ADGRB3: variants seen among roughly 807,000 people sequenced by gnomAD.
The protein encoded by ADGRB3 is brain-specific angiogenesis inhibitor 3.
Under a neutral mutation model 193.4 loss-of-function variants are expected in ADGRB3, and 37 were observed. The ratio of observed to expected loss-of-function variants is 0.19; its 90% CI spans 0.15 to 0.25. The LOEUF is 0.25. Ranked by LOEUF, ADGRB3 falls within the 10% of genes least tolerant of loss-of-function variation. ADGRB3 has a pLI of 1.00. For synonymous variants in ADGRB3, 690 were observed against 644.2 expected, an observed-to-expected ratio of 1.07 and a Z score of -1.08; for missense variants, 1,637 against 1,852.9, an observed-to-expected ratio of 0.88 and a Z score of 2.14.
At chr6:69,171,562 T>G (rs1162957794) in intron 17 of ADGRB3, among the ~76,000 whole-genome samples, 1 of 152,218 alleles carries the variant, frequency 6.6e-6, no homozygotes, top group Non-Finnish European at 1.5e-5. Context: ...CCCTTGGGTA[T>G]AGTTGTTGAT....
chr6:69,264,000 G>A (rs1201744989), intron 20 of ADGRB3, among the ~76,000 whole-genome samples: 2 of 151,758 alleles, frequency 1.3e-5, no homozygotes, highest in African/African-American at 4.8e-5. Context: ...CTCATAATAG[G>A]TAGTTTAATT....
intron 3 of ADGRB3, among the ~76,000 whole-genome samples, chr6:68,675,451 A>G (rs1176206837): frequency 6.6e-6 from 1 of 152,224 alleles, no homozygotes; most frequent in Non-Finnish European, 1.5e-5. Flanking sequence ...AAAATTCAAA[A>G]AAATGGTATT....
Position 69,141,055 on chromosome 6 carries a change from G to A in ADGRB3, c.2480+65017G>A, listed in dbSNP as rs868310654. 7.8e-4 allele frequency among the ~76,000 whole-genome samples: 116 copies of A among 149,674 alleles called. 1 individual carries two copies. Among genetic ancestry groups the A allele is most frequent in the Middle Eastern group, 3.6e-3 (1 of 280 alleles). ...ACAATATTTGGATAGTAAATGCTAA[G>A]GAGAAAAAAAATGAAGTGAAAGAAA... On this transcript the variant is annotated intron_variant, in intron 17 of 31. Coordinates refer to ENST00000370598, the MANE Select transcript of ADGRB3 (RefSeq NM_001704.3).
At chr6:69,323,375 G>A (rs1180827898) in intron 20 of ADGRB3, among the ~76,000 whole-genome samples, 1 of 151,950 alleles carries the variant, frequency 6.6e-6, no homozygotes, top group Admixed American at 6.6e-5. Context: ...TCAGCCTGCA[G>A]ATATTTAAAC....
chr6:68,895,173 A>G (rs1766184881), intron 3 of ADGRB3, among the ~76,000 whole-genome samples: 1 of 151,732 alleles, frequency 6.6e-6, no homozygotes, highest in Admixed American at 6.6e-5. Flanking sequence ...CTCCTTCAGT[A>G]GTTCAATATT....
intron 13 of ADGRB3, among the ~76,000 whole-genome samples, chr6:69,031,550 T>TTTCTTTATTTC: frequency 1.4e-5 from 1 of 70,132 alleles, no homozygotes. Context: ...TCTTTCTTTC[T>TTTCTTTATTTC]TTTTCTTTCT....
At chr6:68,975,103 A>G (rs1582363666) in intron 9 of ADGRB3, 131 bp from the exon 10 acceptor site, 2 of 738,760 alleles carry the variant, frequency 2.7e-6, no homozygotes, top group South Asian at 2.0e-5. Context: ...AATAATCAAA[A>G]TATCAATTTC....
At chr6:69,039,870 T>G (rs1770977735) in intron 13 of ADGRB3, among the ~76,000 whole-genome samples, 2 of 151,302 alleles carry the variant, frequency 1.3e-5, no homozygotes. Flanking sequence ...GCCTCCCGAG[T>G]AGCTGGGACT....
chr6:69,062,197 G>T (rs1451867916), intron 15 of ADGRB3, among the ~76,000 whole-genome samples: 3 of 151,484 alleles, frequency 2.0e-5, no homozygotes, highest in Admixed American at 6.6e-5. Context: ...TACATATTTT[G>T]TGTGAAAACC....
At position 68,713,238 on chromosome 6, in the gene ADGRB3, A is replaced by C. The variant is rs187937724; in HGVS notation, c.757+73806A>C. Among the ~76,000 whole-genome samples, 201 of 152,032 alleles carry C rather than the reference A, an allele frequency of 1.3e-3. 1 individual carries two copies. Among genetic ancestry groups the C allele is most frequent in the African/African-American group, 4.5e-3 (188 of 41,542 alleles). ...ATTAGGCACTTTTCCATGATTTCCAATTTTTGTGAACAAATTATTCAGATA... is the reference window on the plus strand; with the variant it reads ...ATTAGGCACTTTTCCATGATTTCCACTTTTTGTGAACAAATTATTCAGATA... On this transcript the variant is annotated intron_variant, in intron 3 of 31. Transcript: ENST00000370598.
intron 31 of ADGRB3, among the ~76,000 whole-genome samples, chr6:69,387,309 G>T (rs1357056709): frequency 6.6e-6 from 1 of 152,026 alleles, no homozygotes; most frequent in African/African-American, 2.4e-5. Flanking sequence ...AAGAGAAGCA[G>T]AGAGGGAGAG....
chr6:69,096,363 G>GT (rs70987448), intron 17 of ADGRB3, among the ~76,000 whole-genome samples: 34,308 of 132,410 alleles, frequency 0.26, 4,577 homozygotes, highest in African/African-American at 0.33. Context: ...ATTGTTTTGG[G>GT]TTTTTTTTTT....
At chr6:69,346,234 C>G (rs946134586) in intron 26 of ADGRB3, among the ~76,000 whole-genome samples, 4 of 152,176 alleles carry the variant, frequency 2.6e-5, no homozygotes, top group Admixed American at 6.5e-5. Context: ...TTAGAAAAAA[C>G]TACTTTAAAT....
chr6:69,243,458 A>G (rs768493478), intron 20 of ADGRB3, among the ~76,000 whole-genome samples: 8 of 151,906 alleles, frequency 5.3e-5, no homozygotes, highest in African/African-American at 1.2e-4. Flanking sequence ...TCCTAATCCA[A>G]TGTCTGGACA....
chr6:69,079,332 T>C (rs888200435), intron 17 of ADGRB3, among the ~76,000 whole-genome samples: 4 of 152,198 alleles, frequency 2.6e-5, no homozygotes, highest in African/African-American at 7.2e-5. Flanking sequence ...GAGAATATTT[T>C]TTATTCAATA....
intron 10 of ADGRB3, among the ~76,000 whole-genome samples, chr6:68,978,829 A>T (rs983478753): frequency 6.6e-6 from 1 of 151,434 alleles, no homozygotes; most frequent in African/African-American, 2.4e-5. Flanking sequence ...ATATTCTAAA[A>T]GTTCATTCAA....
At chr6:69,305,577 A>G (rs1768051116) in intron 20 of ADGRB3, among the ~76,000 whole-genome samples, 1 of 151,276 alleles carries the variant, frequency 6.6e-6, no homozygotes, top group South Asian at 2.1e-4. Flanking sequence ...ACCAATTAAG[A>G]GTAGTATATC....
In ADGRB3 at chr6:69,256,171, G is replaced by C. The variant is rs548258015; in HGVS notation, c.2814+16945G>C. On this transcript the variant is annotated intron_variant, in intron 20 of 31. Coordinates refer to ENST00000370598, the MANE Select transcript of ADGRB3 (RefSeq NM_001704.3). ...AGCTTTGTTCTTTTGGCTTAGGATTGACTTGGCGATGCGGGCTCTTTTTTG... is the reference window on the plus strand; with the variant it reads ...AGCTTTGTTCTTTTGGCTTAGGATTCACTTGGCGATGCGGGCTCTTTTTTG... 1.0e-2 allele frequency among the ~76,000 whole-genome samples: 1,513 copies of C among 151,444 alleles called. 27 individuals are homozygous for C. Among genetic ancestry groups the C allele is most frequent in the African/African-American group, 0.035 (1,445 of 41,204 alleles).
chr6:69,234,199 CT>C (rs1766213523), intron 18 of ADGRB3, among the ~76,000 whole-genome samples: 1 of 152,058 alleles, frequency 6.6e-6, no homozygotes, highest in African/African-American at 2.4e-5. Context: ...TTAGAACACG[CT>C]TAAAGTGTAT....
Sources: gnomAD v4.1 joint callset for allele counts (sites outside exome capture counted in the v4.1 genomes callset) on GRCh38, gnomAD v4.1.1 for gene constraint, MANE v1.5 for transcripts, NCBI Gene and HGNC (gene_info 2026-07-23, HGNC 2026-07-21) for gene names.